Variants in ROBO2 observed in about 807,000 individuals in gnomAD.
ROBO2 encodes roundabout guidance receptor 2, also known as roundabout homolog 2.
A neutral mutation model predicts 160.8 loss-of-function variants in ROBO2; 53 were observed. The ratio of observed to expected loss-of-function variants is 0.33; its 90% confidence interval spans 0.26 to 0.41. ROBO2 has a LOEUF of 0.41. ROBO2 is among the 10% of genes least tolerant of loss of function. ROBO2 has a pLI of 1.00. For missense variants in ROBO2, 1,577 were observed against 1,722.4 expected, an observed-to-expected ratio of 0.92 and a Z score of 1.49; for synonymous variants, 664 against 611.7, an observed-to-expected ratio of 1.09 and a Z score of -1.26.
chr3:75,986,466 T>C (rs1223145587), intron 2 of ROBO2, among the ~76,000 whole-genome samples: 14 of 151,654 alleles, frequency 9.2e-5, no homozygotes. Context: ...TCAAACATCA[T>C]TTGCAAATTT....
At chr3:77,116,159 C>T (rs1192817608) in intron 2 of ROBO2, among the ~76,000 whole-genome samples, 9 of 152,156 alleles carry the variant, frequency 5.9e-5, no homozygotes, top group Admixed American at 5.2e-4. Flanking sequence ...TTGTGGTCAG[C>T]GTAGTGCGTC....
At chr3:76,211,981 TGATA>T (rs1165614396) in intron 2 of ROBO2, among the ~76,000 whole-genome samples, 1 of 152,022 alleles carries the variant, frequency 6.6e-6, no homozygotes, top group African/African-American at 2.4e-5. Context: ...ATTTCATACC[TGATA>T]GATTTATGAT....
At chr3:76,567,771 G>C (rs1302581469) in intron 2 of ROBO2, among the ~76,000 whole-genome samples, 670 of 75,278 alleles carry the variant, frequency 8.9e-3, no homozygotes, top group Middle Eastern at 0.015. Context: ...GTCTGTGTGT[G>C]TGTGTGTGTG....
chr3:76,041,745 C>T (rs1292120876), intron 2 of ROBO2, among the ~76,000 whole-genome samples: 1 of 151,762 alleles, frequency 6.6e-6, no homozygotes, highest in Non-Finnish European at 1.5e-5. Flanking sequence ...ATTATAAGGT[C>T]ATTCTATTGG....
chr3:76,936,330 C>T (rs2077699096), intron 2 of ROBO2, among the ~76,000 whole-genome samples: 1 of 152,124 alleles, frequency 6.6e-6, no homozygotes, highest in Admixed American at 6.5e-5. Flanking sequence ...CATATGTCTC[C>T]TCTAATCATG....
intron 1 of ROBO2, among the ~76,000 whole-genome samples, chr3:77,055,263 A>G (rs576947651): frequency 6.6e-6 from 1 of 152,258 alleles, no homozygotes; most frequent in Admixed American, 6.5e-5. Context: ...TAAATATTAT[A>G]AGGGATGGTC....
chr3:75,964,946 A>AATTT (rs1158595117), intron 2 of ROBO2: 2 of 150,992 alleles, frequency 1.3e-5, no homozygotes, highest in African/African-American at 4.9e-5. Context: ...TCCAACTGTC[A>AATTT]ATTTATTTAT....
intron 2 of ROBO2, among the ~76,000 whole-genome samples, chr3:75,939,637 G>T (rs1355550396): frequency 6.6e-6 from 1 of 152,114 alleles, no homozygotes; most frequent in African/African-American, 2.4e-5. Context: ...TGCTTCCTTT[G>T]TGGTAGCTAG....
chr3:75,985,115 T>C (rs945044190), intron 2 of ROBO2, among the ~76,000 whole-genome samples: 1 of 151,430 alleles, frequency 6.6e-6, no homozygotes, highest in African/African-American at 2.4e-5. Context: ...TTATTCTTCA[T>C]GTAATAATGA....
chr3:77,280,419 G>A (rs1196780806), intron 2 of ROBO2, among the ~76,000 whole-genome samples: 2 of 152,122 alleles, frequency 1.3e-5, no homozygotes, highest in African/African-American at 4.8e-5. Flanking sequence ...ATTATGTCTT[G>A]TTTTGGTTTG....
chr3:76,795,742 A>G (rs146407776), intron 2 of ROBO2, among the ~76,000 whole-genome samples: 2 of 152,238 alleles, frequency 1.3e-5, no homozygotes, highest in Non-Finnish European at 2.9e-5. Flanking sequence ...ACTTCCACTC[A>G]TGAGTCACAA....
chr3:76,007,590 G>T (rs2066060064), intron 2 of ROBO2, among the ~76,000 whole-genome samples: 1 of 152,058 alleles, frequency 6.6e-6, no homozygotes, highest in African/African-American at 2.4e-5. Context: ...ATGAAATCCA[G>T]AAGTAAATGG....
chr3:76,084,472 G>T (rs1318880796), intron 2 of ROBO2, among the ~76,000 whole-genome samples: 1 of 152,116 alleles, frequency 6.6e-6, no homozygotes, highest in East Asian at 1.9e-4. Context: ...AGATAAGAAA[G>T]CTGAGGAACA....
intron 2 of ROBO2, among the ~76,000 whole-genome samples, chr3:77,098,882 A>G (rs935933054): frequency 6.7e-6 from 1 of 149,476 alleles, no homozygotes; most frequent in African/African-American, 2.5e-5. Context: ...AAACAAACAA[A>G]CAATTATGCC....
At chr3:76,217,836 A>G (rs1455959975) in intron 2 of ROBO2, among the ~76,000 whole-genome samples, 1 of 152,214 alleles carries the variant, frequency 6.6e-6, no homozygotes, top group Non-Finnish European at 1.5e-5. Context: ...TCCTGATGCC[A>G]AAGCCTGACA....
At chr3:76,179,210 C>G (rs900059735) in intron 2 of ROBO2, among the ~76,000 whole-genome samples, 1 of 152,026 alleles carries the variant, frequency 6.6e-6, no homozygotes, top group Non-Finnish European at 1.5e-5. Flanking sequence ...GTGACAGACA[C>G]TGGGGATATA....
intron 2 of ROBO2, among the ~76,000 whole-genome samples, chr3:77,448,460 C>T (rs901251967): frequency 4.6e-5 from 7 of 152,090 alleles, no homozygotes; most frequent in Admixed American, 6.6e-5. Flanking sequence ...TCGGCAAAGT[C>T]GGCCCTAATC....
intron 17 of ROBO2, 101 bp from the exon 19 acceptor site, chr3:77,595,040 AG>A: frequency 1.2e-6 from 1 of 869,216 alleles, no homozygotes; most frequent in Non-Finnish European, 1.9e-6. Flanking sequence ...AAATTCCCAG[AG>A]GCCTCAGCTC....
intron 2 of ROBO2, among the ~76,000 whole-genome samples, chr3:76,599,325 T>C (rs1204931481): frequency 6.6e-6 from 1 of 152,222 alleles, no homozygotes; most frequent in Non-Finnish European, 1.5e-5. Context: ...ACATGCAGTA[T>C]TTGGTTTTCT....
Sources: gnomAD v4.1 joint callset for allele counts (sites outside exome capture counted in the v4.1 genomes callset) on GRCh38, gnomAD v4.1.1 for gene constraint, MANE v1.5 for transcripts, NCBI Gene and HGNC (gene_info 2026-07-23, HGNC 2026-07-21) for gene names.